The following PUDP variants were observed in gnomAD, a reference collection of about 807,000 sequenced individuals.
The protein encoded by PUDP is pseudouridine 5'-phosphatase.
A neutral mutation model predicts 9.4 loss-of-function variants in PUDP; 8 were observed. The observed-to-expected ratio is 0.85, with a 90% CI of 0.50 to 1.53. The LOEUF (loss-of-function observed/expected upper bound fraction) is 1.53, where lower values mean the gene tolerates loss of function less well. PUDP is among the 40% of genes most tolerant of loss of function. The pLI, the probability that PUDP is intolerant of heterozygous loss-of-function variation, is 0.00. For missense variants in PUDP, 188 were observed against 189.7 expected (o/e 0.99, Z 0.05); for synonymous variants, 99 against 80.7 (o/e 1.23, Z -1.22).
At chrX:6,990,340 C>T (rs967534511) in intron 1 of PUDP, among the ~76,000 whole-genome samples, 3 of 111,518 alleles carry the variant, frequency 2.7e-5, no homozygotes, top group Non-Finnish European at 5.6e-5. Flanking sequence ...TTGAACACAT[C>T]TGTCTACTTG....
intron 3 of PUDP, among the ~76,000 whole-genome samples, chrX:7,058,382 G>A: frequency 8.9e-6 from 1 of 112,213 alleles, no homozygotes. Context: ...TGGAAGCACA[G>A]AAAGTACAGC....
At chrX:6,727,685 C>G (rs773130475) in intron 3 of PUDP, among the ~76,000 whole-genome samples, 1 of 111,624 alleles carries the variant, frequency 9.0e-6, no homozygotes, top group East Asian at 2.8e-4. Context: ...TTTTATATCC[C>G]TGTGGCCAGT....
At chrX:6,726,703 G>A (rs1390983244) in intron 3 of PUDP, among the ~76,000 whole-genome samples, 1 of 111,540 alleles carries the variant, frequency 9.0e-6, no homozygotes, top group Non-Finnish European at 1.9e-5. Context: ...ACCAGCCAAG[G>A]GAGATTTTTT....
chrX:7,122,891 G>T (rs1029759671), intron 1 of PUDP, among the ~76,000 whole-genome samples: 11 of 112,415 alleles, frequency 9.8e-5, no homozygotes, highest in Non-Finnish European at 2.1e-4. Context: ...GTTCTAACTT[G>T]AAGTATTTAT....
chrX:7,017,560 A>G (rs1432478242), intron 1 of PUDP, among the ~76,000 whole-genome samples: 4 of 112,278 alleles, frequency 3.6e-5, no homozygotes, highest in Admixed American at 2.8e-4. Flanking sequence ...AATAGATTTC[A>G]TTTTACCTGC....
intron 3 of PUDP, among the ~76,000 whole-genome samples, chrX:6,772,270 T>C (rs1367813670): frequency 6.3e-5 from 7 of 111,725 alleles, no homozygotes; most frequent in Admixed American, 9.5e-5. Context: ...TGGAAATTCT[T>C]TTTTTTCCTA....
intron 3 of PUDP, among the ~76,000 whole-genome samples, chrX:6,960,418 C>G (rs1928690351): frequency 8.9e-6 from 1 of 111,860 alleles, no homozygotes; most frequent in African/African-American, 3.2e-5. Flanking sequence ...CAGGGTCTTG[C>G]TCTGTAACTT....
chrX:7,134,323 G>A (rs1354866574), intron 1 of PUDP, among the ~76,000 whole-genome samples: 4 of 111,912 alleles, frequency 3.6e-5, no homozygotes, highest in Non-Finnish European at 7.5e-5. Flanking sequence ...ACCTGTGAGG[G>A]CTGGCAAAAC....
At chrX:6,930,117 T>C (rs1928166230) in intron 3 of PUDP, among the ~76,000 whole-genome samples, 1 of 109,966 alleles carries the variant, frequency 9.1e-6, no homozygotes, top group Non-Finnish European at 1.9e-5. Context: ...GATCCTAGGC[T>C]ACCTGAGAGA....
intron 1 of PUDP, among the ~76,000 whole-genome samples, chrX:7,009,288 G>T (rs1337037614): frequency 3.6e-5 from 4 of 112,158 alleles, no homozygotes; most frequent in Non-Finnish European, 7.5e-5. Flanking sequence ...AGTAATGAGG[G>T]ACATGAGACA....
chrX:6,750,437 C>T (rs1052270308), intron 3 of PUDP, among the ~76,000 whole-genome samples: 13 of 110,364 alleles, frequency 1.2e-4, no homozygotes, highest in African/African-American at 4.0e-4. Context: ...TACTCCCAAA[C>T]GAAGAGAGTA....
chrX:6,963,922 T>C (rs5979371), intron 3 of PUDP, among the ~76,000 whole-genome samples: 27 of 112,310 alleles, frequency 2.4e-4, no homozygotes, highest in African/African-American at 8.1e-4. Flanking sequence ...GTGGGAGGAA[T>C]TGACTCTTCG....
chrX:7,086,475 C>T (rs1169338863), intron 2 of PUDP, among the ~76,000 whole-genome samples: 11 of 112,024 alleles, frequency 9.8e-5, no homozygotes, highest in Admixed American at 5.7e-4. Flanking sequence ...CACTACTGTG[C>T]GCTTTTTAGT....
chrX:6,933,151 A>ATGGG (rs1928229276), intron 3 of PUDP, among the ~76,000 whole-genome samples: 1 of 106,392 alleles, frequency 9.4e-6, no homozygotes, highest in Non-Finnish European at 2.0e-5. Context: ...AGATCTGAGA[A>ATGGG]CACGCAGACT....
chrX:6,751,885 A>T, intron 3 of PUDP, among the ~76,000 whole-genome samples: 1 of 111,061 alleles, frequency 9.0e-6, no homozygotes, highest in African/African-American at 3.3e-5. Context: ...AGTCAGAATT[A>T]TGAGGCAGCA....
chrX:7,095,273 C>T (rs1465408389), intron 2 of PUDP, among the ~76,000 whole-genome samples: 1 of 112,056 alleles, frequency 8.9e-6, no homozygotes, highest in African/African-American at 3.2e-5. Context: ...GTAACTTGAC[C>T]CCTGCAGTCC....
At chrX:7,147,963 G>C in intron 1 of PUDP, 90 bp downstream of exon 1, 1 of 693,323 alleles carries the variant, frequency 1.4e-6, no homozygotes, top group South Asian at 2.5e-5. Context: ...GCCCCGCCGC[G>C]GCCCCCAGGC....
chrX:6,805,370 T>C (rs925427992), intron 3 of PUDP, among the ~76,000 whole-genome samples: 2 of 110,745 alleles, frequency 1.8e-5, no homozygotes, highest in Admixed American at 1.9e-4. Context: ...GGTGAGGGGT[T>C]AGGTCTAGCC....
intron 3 of PUDP, among the ~76,000 whole-genome samples, chrX:6,891,743 G>A (rs751416310): frequency 1.2e-4 from 13 of 112,049 alleles, no homozygotes; most frequent in African/African-American, 4.2e-4. Flanking sequence ...CTTCCACCCA[G>A]TGAGATGTAT....
Sources: gnomAD v4.1 joint callset for allele counts (sites outside exome capture counted in the v4.1 genomes callset) on GRCh38, gnomAD v4.1.1 for gene constraint, MANE v1.5 for transcripts, NCBI Gene and HGNC (gene_info 2026-07-23, HGNC 2026-07-21) for gene names.